Variants in PLEKHG1 observed in about 807,000 individuals in gnomAD.
PLEKHG1 encodes pleckstrin homology and RhoGEF domain containing G1.
Under a neutral mutation model 100.8 loss-of-function variants are expected in PLEKHG1, and 44 were observed. The observed-to-expected ratio is 0.44, with a 90% CI of 0.34 to 0.56. The LOEUF (loss-of-function observed/expected upper bound fraction) is 0.56. Among genes scored for constraint, PLEKHG1 ranks in the 20% least tolerant of loss-of-function variants. The pLI is 0.01. For missense variants in PLEKHG1, 1,545 were observed against 1,720.9 expected (o/e 0.90, Z 1.81); for synonymous variants, 640 against 662.5 (o/e 0.97, Z 0.52).
At chr6:150,681,556 CT>C (rs1166673582) in intron 3 of PLEKHG1, among the ~76,000 whole-genome samples, 1 of 150,660 alleles carries the variant, frequency 6.6e-6, no homozygotes, top group African/African-American at 2.4e-5. Context: ...TATTTCCCTT[CT>C]TAAAAAAAGA....
intron 15 of PLEKHG1, among the ~76,000 whole-genome samples, chr6:150,833,226 GT>G (rs1477541934): frequency 6.7e-6 from 1 of 150,282 alleles, no homozygotes; most frequent in Non-Finnish European, 1.5e-5. Flanking sequence ...TGTGTGTGTG[GT>G]TTTTTTGTAG....
intron 3 of PLEKHG1, among the ~76,000 whole-genome samples, chr6:150,678,615 C>T (rs62434124): frequency 0.12 from 17,910 of 152,168 alleles, 1,263 homozygotes; most frequent in African/African-American, 0.2. Context: ...AATTAATCCA[C>T]ATACTCTTTA....
At chr6:150,735,223 T>C (rs776773506) in intron 2 of PLEKHG1, among the ~76,000 whole-genome samples, 56 of 151,636 alleles carry the variant, frequency 3.7e-4, no homozygotes, top group Non-Finnish European at 7.4e-4. Context: ...CGACCTCAGG[T>C]GATCCTCCTG....
intron 2 of PLEKHG1, among the ~76,000 whole-genome samples, chr6:150,638,400 A>G: frequency 6.6e-6 from 1 of 152,018 alleles, no homozygotes; most frequent in East Asian, 1.9e-4. Context: ...CCTCAAGTAC[A>G]CAGAAGGTTC....
chr6:150,820,734 A>C (rs1034770490), intron 12 of PLEKHG1, among the ~76,000 whole-genome samples: 3 of 151,918 alleles, frequency 2.0e-5, no homozygotes, highest in African/African-American at 7.3e-5. Context: ...GCATGTTGGC[A>C]GATACCTGTA....
chr6:150,759,015 G>A (rs1695513549), intron 2 of PLEKHG1, among the ~76,000 whole-genome samples: 1 of 152,206 alleles, frequency 6.6e-6, no homozygotes, highest in African/African-American at 2.4e-5. Context: ...CTGACTCCCT[G>A]TGACTGGTTT....
chr6:150,835,739 T>A (rs1777188771), intron 15 of PLEKHG1, among the ~76,000 whole-genome samples: 1 of 152,162 alleles, frequency 6.6e-6, no homozygotes. Flanking sequence ...TGGAAGCTTG[T>A]CTCTTGTTCA....
intron 1 of PLEKHG1, among the ~76,000 whole-genome samples, chr6:150,636,421 T>A (rs953207280): frequency 3.3e-5 from 5 of 152,138 alleles, no homozygotes; most frequent in African/African-American, 9.7e-5. Context: ...GTAGCTGTGG[T>A]GGCAATGTGG....
intron 1 of PLEKHG1, among the ~76,000 whole-genome samples, chr6:150,725,929 A>G (rs1400867256): frequency 1.3e-5 from 2 of 152,114 alleles, no homozygotes; most frequent in East Asian, 1.9e-4. Context: ...AAATTATGTG[A>G]CCATAAAAAA....
chr6:150,811,274 T>TG (rs11385070), intron 10 of PLEKHG1, among the ~76,000 whole-genome samples: 1 of 266 alleles, frequency 3.8e-3, no homozygotes, highest in East Asian at 0.1. Flanking sequence ...ATAGGGAATG[T>TG]TTTTTTTTTT....
chr6:150,688,403 C>G (rs952629012), intron 3 of PLEKHG1, among the ~76,000 whole-genome samples: 2 of 152,090 alleles, frequency 1.3e-5, no homozygotes, highest in Admixed American at 6.5e-5. Context: ...TCACCGCAAC[C>G]TCCGCCTCCC....
intron 1 of PLEKHG1, among the ~76,000 whole-genome samples, chr6:150,625,568 C>G (rs1470621098): frequency 2.0e-5 from 3 of 152,152 alleles, no homozygotes; most frequent in African/African-American, 7.2e-5. Flanking sequence ...TCTTGGCTCA[C>G]TGCAACCTCT....
intron 2 of PLEKHG1, among the ~76,000 whole-genome samples, chr6:150,744,230 G>A (rs763821356): frequency 1.3e-5 from 2 of 151,922 alleles, no homozygotes; most frequent in African/African-American, 2.4e-5. Flanking sequence ...GCATGCCACC[G>A]TGTTCAGCTA....
chr6:150,782,661 G>A, intron 3 of PLEKHG1, among the ~76,000 whole-genome samples: 1 of 152,120 alleles, frequency 6.6e-6, no homozygotes, highest in East Asian at 1.9e-4. Flanking sequence ...AAGCAGATAG[G>A]ACAATCCAGC....
At chr6:150,744,364 G>A (rs757195658) in intron 2 of PLEKHG1, among the ~76,000 whole-genome samples, 3 of 152,100 alleles carry the variant, frequency 2.0e-5, no homozygotes, top group East Asian at 1.9e-4. Context: ...GTGAGCCACC[G>A]CGCCTGGCCC....
intron 3 of PLEKHG1, among the ~76,000 whole-genome samples, chr6:150,779,912 G>C (rs1053226585): frequency 5.2e-4 from 78 of 149,836 alleles, no homozygotes; most frequent in African/African-American, 1.9e-3. Flanking sequence ...GCAGTGAGCC[G>C]AGATCACACT....
intron 3 of PLEKHG1, among the ~76,000 whole-genome samples, chr6:150,777,418 C>T (rs1302907264): frequency 6.6e-6 from 1 of 150,826 alleles, no homozygotes; most frequent in African/African-American, 2.4e-5. Flanking sequence ...ACATTACTCA[C>T]ACTGATGCAA....
chr6:150,734,224 A>G (rs1782449061), intron 2 of PLEKHG1, 132 bp downstream of exon 3: 8 of 896,792 alleles, frequency 8.9e-6, no homozygotes, highest in South Asian at 8.3e-5. Context: ...AAGAGAGAGT[A>G]ATAAGAGAAA....
intron 2 of PLEKHG1, among the ~76,000 whole-genome samples, chr6:150,644,107 G>T (rs2128569935): frequency 6.6e-6 from 1 of 152,150 alleles, no homozygotes; most frequent in East Asian, 1.9e-4. Flanking sequence ...CTCCATGAAT[G>T]AAAAATTCAG....
Sources: allele counts gnomAD v4.1 joint callset (sites outside exome capture counted in the v4.1 genomes callset), GRCh38; gene constraint gnomAD v4.1.1; transcripts MANE v1.5; gene names NCBI Gene and HGNC (gene_info 2026-07-23, HGNC 2026-07-21).